The following GRID2IP variants were observed in gnomAD, a reference collection of about 807,000 sequenced individuals.
The protein encoded by GRID2IP is delphilin.
Under a neutral mutation model 114.3 loss-of-function variants are expected in GRID2IP, and 78 were observed. The ratio of observed to expected loss-of-function variants is 0.68; its 90% CI spans 0.57 to 0.82. GRID2IP has a LOEUF of 0.82. Among genes scored for constraint, GRID2IP ranks in the 40% least tolerant of loss-of-function variants. The pLI is 0.00. For synonymous variants in GRID2IP, 809 were observed against 724.0 expected (o/e 1.12, Z -1.89); for missense variants, 1,727 against 1,678.5 (o/e 1.03, Z -0.51).
chr7:6,527,651 G>A (rs996528763), intron 2 of GRID2IP, among the ~76,000 whole-genome samples: 3 of 149,244 alleles, frequency 2.0e-5, no homozygotes, highest in Admixed American at 6.6e-5. Flanking sequence ...ACAGTGGCAC[G>A]ATCATAGCAC....
intron 1 of GRID2IP, among the ~76,000 whole-genome samples, chr7:6,540,177 A>G (rs1308670396): frequency 1.4e-5 from 2 of 146,952 alleles, no homozygotes; most frequent in African/African-American, 2.5e-5. Context: ...CAGTGGTGCA[A>G]TCTTGGCACA....
chr7:6,545,407 AT>A (rs1386955980), intron 1 of GRID2IP, among the ~76,000 whole-genome samples: 2 of 152,056 alleles, frequency 1.3e-5, no homozygotes, highest in Non-Finnish European at 2.9e-5. Flanking sequence ...GCAGTTCACT[AT>A]TGCACTTGAG....
chr7:6,508,895 T>C lies in GRID2IP; in HGVS notation c.2127+63A>G. ...CCCTTGCGGGAGCCCAGGAACACTG[T>C]TGCCTTGCAGACCGCCACACCTCGC... On this transcript the variant is annotated intron_variant, in intron 12 of 21. Coordinates refer to ENST00000457091, the MANE Select transcript of GRID2IP (RefSeq NM_001145118.2). This position sits in a 1 kb window ranked among gnomAD's most constrained non-coding sequence, Gnocchi z 5.6. 3.3e-6 allele frequency: 5 copies of C among 1,503,670 alleles called. No individual in the cohort carries two copies. Among genetic ancestry groups the C allele is most frequent in the South Asian group, 1.3e-5 (1 of 77,808 alleles). The allele number at this position is 1,503,670 out of a possible 1,614,324, so 93.1% of individuals were successfully genotyped here. A position where few individuals can be genotyped will look rare whatever the true frequency, so the allele number is the denominator to read the frequency against.
Position 6,508,171 on chromosome 7 carries a change from C to G in GRID2IP, c.2358G>C (p.Lys786Asn). Residue 786 changes from lysine (K) to asparagine (N), a missense_variant, in exon 13 of 22, where the codon AAG becomes AAC. Coordinates refer to ENST00000457091, the MANE Select transcript of GRID2IP (RefSeq NM_001145118.2). The surrounding 1 kb of genome is among the most constrained non-coding windows in gnomAD (Gnocchi z 5.6). ...CTGGGTGGCTGAGTTGGGTGAGGGG[C>G]TTGGCCAGCGCCTGAGCAGGGCCCC... ...GSRGPAQALAKPLTQLSHPVP... is the reference protein window; with the variant it reads ...GSRGPAQALANPLTQLSHPVP... 6.6e-7 allele frequency: 1 copy of G among 1,508,014 alleles called. No homozygotes were observed. Among genetic ancestry groups the G allele is most frequent in the Non-Finnish European group, 8.9e-7 (1 of 1,128,732 alleles). The allele number at this position is 1,508,014 out of a possible 1,614,324, so 93.4% of individuals were successfully genotyped here. A position where few individuals can be genotyped will look rare whatever the true frequency, so the allele number is the denominator to read the frequency against.
At chr7:6,512,486 G>T (rs1779194807) in intron 8 of GRID2IP, among the ~76,000 whole-genome samples, 1 of 151,234 alleles carries the variant, frequency 6.6e-6, no homozygotes, top group East Asian at 1.9e-4. Context: ...GACTACAGGT[G>T]CATACCACCA....
chr7:6,535,522 G>A (rs986273274), intron 2 of GRID2IP, among the ~76,000 whole-genome samples: 2 of 151,976 alleles, frequency 1.3e-5, no homozygotes, highest in Admixed American at 1.3e-4. Flanking sequence ...ACACACACAC[G>A]TGTATATTTT....
In GRID2IP at chr7:6,509,988, C is replaced by T. The variant is rs374095330; in HGVS notation, c.1771+295G>A. On this transcript the variant is annotated intron_variant, in intron 11 of 21. Transcript: ENST00000457091. This position sits in a 1 kb window ranked among gnomAD's most constrained non-coding sequence, Gnocchi z 4.9. ...GGACTACAGGCATATGCAACCATGC[C>T]CAGCTAATTTTGTATTTTTTTTGTT... is the stretch of plus-strand genomic sequence containing the variant. 1.3e-5 allele frequency among the ~76,000 whole-genome samples: 2 copies of T among 152,120 alleles called. No individual in the cohort carries two copies. The highest frequency in any genetic ancestry group is 2.9e-5 in the Non-Finnish European group (2 of 68,034).
intron 1 of GRID2IP, among the ~76,000 whole-genome samples, chr7:6,547,666 G>C (rs1439961137): frequency 4.6e-5 from 7 of 152,190 alleles, no homozygotes; most frequent in Admixed American, 2.6e-4. Flanking sequence ...AGGGAAGCTG[G>C]AGTTGAGTCC....
Position 6,528,224 on chromosome 7 carries a change from T to C in GRID2IP, c.585-1455A>G, listed in dbSNP as rs1257766213. Among the ~76,000 whole-genome samples, 2 of 152,146 alleles carry C rather than the reference T, an allele frequency of 1.3e-5. No individual in the cohort carries two copies. Among genetic ancestry groups the C allele is most frequent in the Non-Finnish European group, 2.9e-5 (2 of 68,038 alleles). On this transcript the variant is annotated intron_variant, in intron 2 of 21. Transcript: ENST00000457091. The surrounding 1 kb of genome is among the most constrained non-coding windows in gnomAD (Gnocchi z 6.0). ...GGAAGCTTTCCGGGGGTTATGTCTA[T>C]AGTTCAATCCTGAGCCACAGTGACT...
At chr7:6,503,780 G>A in intron 15 of GRID2IP, 93 bp from the exon 16 acceptor site, 1 of 922,694 alleles carries the variant, frequency 1.1e-6, no homozygotes, top group Non-Finnish European at 1.5e-6. Context: ...CGGGGAGAGG[G>A]CGGACACGGG....
intron 1 of GRID2IP, among the ~76,000 whole-genome samples, chr7:6,545,545 GGGA>G (rs886387316): frequency 3.9e-4 from 59 of 152,298 alleles, no homozygotes; most frequent in African/African-American, 1.2e-3. Flanking sequence ...ATTCCAAAAG[GGGA>G]GGAGAAGTAG....
chr7:6,509,982 C>T lies in GRID2IP; in HGVS notation c.1771+301G>A, dbSNP rs1366088091. 6.6e-6 allele frequency among the ~76,000 whole-genome samples: 1 copy of T among 152,194 alleles called. No homozygotes were observed. The highest frequency in any genetic ancestry group is 1.5e-5 in the Non-Finnish European group (1 of 68,044). On this transcript the variant is annotated intron_variant, in intron 11 of 21. Transcript: ENST00000457091. This position sits in a 1 kb window ranked among gnomAD's most constrained non-coding sequence, Gnocchi z 4.9. ...GAGTTGGGACTACAGGCATATGCAACCATGCCCAGCTAATTTTGTATTTTT... is the reference window on the plus strand; with the variant it reads ...GAGTTGGGACTACAGGCATATGCAATCATGCCCAGCTAATTTTGTATTTTT...
intron 20 of GRID2IP, 92 bp from the exon 21 acceptor site, chr7:6,498,320 T>A: frequency 7.7e-7 from 1 of 1,294,926 alleles, no homozygotes; most frequent in Non-Finnish European, 1.0e-6. Flanking sequence ...GCAGCCCTAT[T>A]CCCGGTTGGC....
chr7:6,541,281 T>A (rs1268552244), intron 1 of GRID2IP, among the ~76,000 whole-genome samples: 1 of 152,174 alleles, frequency 6.6e-6, no homozygotes, highest in East Asian at 1.9e-4. Flanking sequence ...CAAAGAGAGC[T>A]GTTCTAATAA....
Position 6,497,298 on chromosome 7 carries a change from G to A in GRID2IP, c.*476C>T, listed in dbSNP as rs1786279044. 6.6e-6 allele frequency among the ~76,000 whole-genome samples: 1 copy of A among 152,224 alleles called. No individual in the cohort carries two copies. Among genetic ancestry groups the A allele is most frequent in the South Asian group, 2.1e-4 (1 of 4,834 alleles). ...CCAGCTTCCAAGGCCCAGGCTGGGC[G>A]TGCACATCCCCAGGGCCCCTCTACA... On this transcript the variant is annotated 3_prime_UTR_variant, in exon 22 of 22. Transcript: ENST00000457091.
intron 8 of GRID2IP, among the ~76,000 whole-genome samples, chr7:6,511,392 G>A (rs1229976633): frequency 1.3e-5 from 2 of 151,508 alleles, no homozygotes; most frequent in Non-Finnish European, 1.5e-5. Context: ...TTTTTTTTGA[G>A]ACTGAGTTTT....
chr7:6,550,976 T>TGACC, intron 1 of GRID2IP, 32 bp downstream of exon 1: 7 of 1,015,776 alleles, frequency 6.9e-6, no homozygotes, highest in Middle Eastern at 3.9e-4. Context: ...GCCCCCTCCT[T>TGACC]CCCGCCCCCA....
At chr7:6,512,086 T>A (rs1779180326) in intron 8 of GRID2IP, among the ~76,000 whole-genome samples, 1 of 151,324 alleles carries the variant, frequency 6.6e-6, no homozygotes, top group Non-Finnish European at 1.5e-5. Flanking sequence ...TTTTTGTATT[T>A]TTTTTTTTTA....
rs1562520530 is a variant in GRID2IP, at chr7:6,526,284, T to G, written c.859A>C (p.Lys287Gln). Residue 287 changes from lysine to glutamine, a missense_variant, in exon 4 of 22, where the codon AAG becomes CAG. Physicochemically the swap from Lys to Gln is moderately conservative, Grantham distance 53. Transcript: ENST00000457091. This position sits in a 1 kb window ranked among gnomAD's most constrained non-coding sequence, Gnocchi z 7.6. ...RRTVRVYKGN[K>Q]SFGFTLRGHG... The stretch of plus-strand genomic sequence containing the variant: ...CCGCGAAGTGTGAAGCCGAAGCTCT[T>G]GTTGCCTTTGTAGACTCGGACAGTC... 1 of 1,551,966 alleles carries G rather than the reference T, an allele frequency of 6.4e-7. No individual in the cohort carries two copies. The highest frequency in any genetic ancestry group is 2.4e-5 in the East Asian group (1 of 40,916).
Sources: gnomAD v4.1 joint callset for allele counts (sites outside exome capture counted in the v4.1 genomes callset) on GRCh38, gnomAD v4.1.1 for gene constraint, Gnocchi (gnomAD v3.1) non-coding constraint, MANE v1.5 for transcripts, NCBI Gene and HGNC (gene_info 2026-07-23, HGNC 2026-07-21) for gene names.